Variants in NECAB1 observed in about 807,000 individuals in gnomAD.
NECAB1 encodes the protein N-terminal EF-hand calcium binding protein 1, also known as N-terminal EF-hand calcium-binding protein 1.
A neutral mutation model predicts 57.5 loss-of-function variants in NECAB1; 29 were observed. The observed-to-expected ratio is 0.50, with a 90% CI of 0.38 to 0.69. The LOEUF (loss-of-function observed/expected upper bound fraction) is 0.69, where lower values mean the gene tolerates loss of function less well. Ranked by LOEUF, NECAB1 falls within the 30% of genes least tolerant of loss-of-function variation. The pLI, the probability that NECAB1 is intolerant of heterozygous loss-of-function variation, is 0.00. For synonymous variants in NECAB1, 142 were observed against 147.7 expected, an observed-to-expected ratio of 0.96 and a Z score of 0.28; for missense variants, 372 against 413.8, an observed-to-expected ratio of 0.90 and a Z score of 0.88.
intron 3 of NECAB1, among the ~76,000 whole-genome samples, chr8:90,870,447 C>G (rs1421846026): frequency 6.6e-6 from 1 of 152,080 alleles, no homozygotes; most frequent in South Asian, 2.1e-4. Flanking sequence ...CATTATTGAT[C>G]TATGTTCTAA....
chr8:90,942,307 C>G (rs1253584334), intron 10 of NECAB1, among the ~76,000 whole-genome samples: 1 of 152,162 alleles, frequency 6.6e-6, no homozygotes, highest in Non-Finnish European at 1.5e-5. Flanking sequence ...ATTGCGTTTA[C>G]TACTGTTTCC....
At chr8:90,937,919 C>T (rs1224511746) in intron 9 of NECAB1, among the ~76,000 whole-genome samples, 1 of 152,070 alleles carries the variant, frequency 6.6e-6, no homozygotes. Context: ...AGTAATGTAA[C>T]AGCGACTATC....
At chr8:90,794,472 A>C (rs1811628069) in intron 1 of NECAB1, among the ~76,000 whole-genome samples, 1 of 152,148 alleles carries the variant, frequency 6.6e-6, no homozygotes, top group Non-Finnish European at 1.5e-5. Context: ...TTTGAGGAAA[A>C]CTTTGATTTG....
intron 7 of NECAB1, among the ~76,000 whole-genome samples, chr8:90,927,204 C>CTCTTT (rs10630870): frequency 0.01 from 1,370 of 131,066 alleles, 92 homozygotes; most frequent in African/African-American, 0.038. Context: ...TTTTCTCTCT[C>CTCTTT]TTTTTTTTTT....
chr8:90,824,873 C>A, intron 3 of NECAB1, 48 bp downstream of exon 3: 4 of 940,526 alleles, frequency 4.3e-6, no homozygotes, highest in African/African-American at 1.7e-5. Flanking sequence ...GCACAGAGAG[C>A]GTGAATGCAT....
intron 9 of NECAB1, among the ~76,000 whole-genome samples, chr8:90,935,554 A>G (rs1008433228): frequency 1.3e-5 from 2 of 152,128 alleles, no homozygotes; most frequent in African/African-American, 4.8e-5. Context: ...GCAGTCCCGG[A>G]GGCACAGGAA....
At chr8:90,943,341 G>A (rs182436634) in intron 10 of NECAB1, among the ~76,000 whole-genome samples, 16 of 152,166 alleles carry the variant, frequency 1.1e-4, no homozygotes, top group Non-Finnish European at 1.6e-4. Context: ...ACAATTCTTC[G>A]TTCACTTCTT....
intron 5 of NECAB1, among the ~76,000 whole-genome samples, chr8:90,893,201 T>C (rs565547368): frequency 1.1e-4 from 17 of 151,954 alleles, no homozygotes; most frequent in Non-Finnish European, 2.4e-4. Flanking sequence ...AACTGTCACT[T>C]CCCCTAGGAA....
At chr8:90,917,416 T>C (rs1027805391) in intron 5 of NECAB1, 76 bp from the exon 6 acceptor site, 16 of 1,320,814 alleles carry the variant, frequency 1.2e-5, no homozygotes, top group South Asian at 1.6e-5. Flanking sequence ...GATGGGTACA[T>C]GGTAAAAGAA....
chr8:90,808,637 T>C (rs1586033816), intron 2 of NECAB1, among the ~76,000 whole-genome samples: 1 of 140,642 alleles, frequency 7.1e-6, no homozygotes, highest in Middle Eastern at 3.5e-3. Context: ...CTTTTTTTCT[T>C]TTCTTTTTTT....
chr8:90,861,737 C>T (rs1397609168), intron 3 of NECAB1, among the ~76,000 whole-genome samples: 1 of 152,124 alleles, frequency 6.6e-6, no homozygotes, highest in Non-Finnish European at 1.5e-5. Flanking sequence ...ATATTATTAA[C>T]CTTAATTTCT....
At chr8:90,877,508 C>T (rs1033068112) in intron 4 of NECAB1, among the ~76,000 whole-genome samples, 1 of 152,152 alleles carries the variant, frequency 6.6e-6, no homozygotes, top group Non-Finnish European at 1.5e-5. Flanking sequence ...TCATGTCTAA[C>T]AAGTACCCTA....
In NECAB1 at chr8:90,951,128, T is replaced by C. The variant is rs759710048; in HGVS notation, c.954T>C (p.Asn318=). The change falls in exon 12 of 13, where the codon AAT becomes AAC. Residue 318 remains asparagine (N), a synonymous_variant. Transcript: ENST00000417640. ...SSVWNSHLQT[N]YSKTFQRSNV... ...ATTTATACAGCCACCTTCAGACAAA[T>C]TATAGCAAGACATTCCAAAGAAGTA... The C allele has an allele frequency of 6.3e-7, 1 of 1,596,796 alleles. No homozygotes were observed. Among genetic ancestry groups the C allele is most frequent in the East Asian group, 2.3e-5 (1 of 43,726 alleles).
chr8:90,904,272 A>C (rs2130040930), intron 5 of NECAB1, among the ~76,000 whole-genome samples: 1 of 152,304 alleles, frequency 6.6e-6, no homozygotes, highest in African/African-American at 2.4e-5. Context: ...AAGCAAAAAA[A>C]AAAATCTCAA....
rs1260958779 is a variant in NECAB1 at position 90,912,190 on chromosome 8, T to G, written c.358-5302T>G. Among the ~76,000 whole-genome samples, 4 of 152,280 alleles carry G rather than the reference T, an allele frequency of 2.6e-5. No homozygotes were observed. The East Asian group carries it at 7.7e-4, about 29-fold the overall frequency. ...CATACCCATGTGCATTTTTCTAAAATTCCTAATGTTTGAAGAGGATTACTT... is the reference window on the plus strand; with the variant it reads ...CATACCCATGTGCATTTTTCTAAAAGTCCTAATGTTTGAAGAGGATTACTT... On this transcript the variant is annotated intron_variant, in intron 5 of 12. Transcript: ENST00000417640.
Position 90,887,809 on chromosome 8 carries a change from C to G in NECAB1, c.357+6679C>G, listed in dbSNP as rs145796668. ...TTACAGATGGAGGGGTCAGGTCATGCTGACTGCAGTTGGTATTTCACCTTA... is the reference window on the plus strand; with the variant it reads ...TTACAGATGGAGGGGTCAGGTCATGGTGACTGCAGTTGGTATTTCACCTTA... On this transcript the variant is annotated intron_variant, in intron 5 of 12. Transcript: ENST00000417640. Among the ~76,000 whole-genome samples the G allele has an allele frequency of 1.8e-3, 277 of 152,294 alleles. 3 individuals are homozygous for G. The highest frequency in any genetic ancestry group is 6.2e-3 in the African/African-American group (259 of 41,564).
At chr8:90,835,753 A>G (rs1218455612) in intron 3 of NECAB1, among the ~76,000 whole-genome samples, 1 of 152,168 alleles carries the variant, frequency 6.6e-6, no homozygotes, top group Non-Finnish European at 1.5e-5. Context: ...CCTGTGAAGC[A>G]AGGACCATTG....
At chr8:90,888,244 C>T (rs80069741) in intron 5 of NECAB1, among the ~76,000 whole-genome samples, 2,273 of 152,170 alleles carry the variant, frequency 0.015, 47 homozygotes, top group African/African-American at 0.051. Flanking sequence ...AATGAAAGGA[C>T]GAGTACAAAG....
intron 3 of NECAB1, among the ~76,000 whole-genome samples, chr8:90,858,410 T>C (rs552840286): frequency 6.6e-6 from 1 of 152,330 alleles, no homozygotes; most frequent in African/African-American, 2.4e-5. Flanking sequence ...AGAAGTTCTA[T>C]TTCACACTTA....
Sources: gnomAD v4.1 joint callset for allele counts (sites outside exome capture counted in the v4.1 genomes callset) on GRCh38, gnomAD v4.1.1 for gene constraint, MANE v1.5 for transcripts, NCBI Gene and HGNC (gene_info 2026-07-23, HGNC 2026-07-21) for gene names.